Variants in GUCY1B1 observed in about 807,000 individuals in gnomAD.
The protein encoded by GUCY1B1 is guanylate cyclase soluble subunit beta-1.
A neutral mutation model predicts 71.0 loss-of-function variants in GUCY1B1; 43 were observed. That is an observed-to-expected ratio of 0.61 (90% CI 0.47 to 0.78). The LOEUF is 0.78. Ranked by LOEUF, GUCY1B1 falls within the 30% of genes least tolerant of loss-of-function variation. The pLI, the probability that GUCY1B1 is intolerant of heterozygous loss-of-function variation, is 0.00. For missense variants in GUCY1B1, 535 were observed against 754.1 expected (o/e 0.71, Z 3.40); for synonymous variants, 266 against 259.7 (o/e 1.02, Z -0.23).
chr4:155,799,226 C>A (rs1342426298), intron 8 of GUCY1B1, among the ~76,000 whole-genome samples: 1 of 152,056 alleles, frequency 6.6e-6, no homozygotes. Flanking sequence ...GGAAAAATGA[C>A]ACAAGTTACA....
At position 155,759,876 on chromosome 4, in the gene GUCY1B1, C is replaced by T. The variant is rs747465841; in HGVS notation, c.77+16C>T. On this transcript the variant is annotated intron_variant, in intron 2 of 13. Coordinates refer to ENST00000264424, the MANE Select transcript of GUCY1B1 (RefSeq NM_000857.5). ...AAGACATCAAGTAAGTGGCCGGCTACCCTGGCTGTGGCCCAGGTCGGCGCC... is the reference window on the plus strand; with the variant it reads ...AAGACATCAAGTAAGTGGCCGGCTATCCTGGCTGTGGCCCAGGTCGGCGCC... The T allele has an allele frequency of 5.6e-6, 9 of 1,601,062 alleles. No homozygotes were observed. The South Asian group carries it at 9.9e-5, about 18-fold the overall frequency.
chr4:155,759,420 G>C, intron 1 of GUCY1B1: 1 of 543,344 alleles, frequency 1.8e-6, no homozygotes, highest in East Asian at 3.3e-5. Context: ...CGGAGGCGTG[G>C]GGTCTTCCCG....
intron 4 of GUCY1B1, among the ~76,000 whole-genome samples, chr4:155,788,036 T>C (rs1481558178): frequency 6.6e-6 from 1 of 152,240 alleles, no homozygotes; most frequent in African/African-American, 2.4e-5. Context: ...TACTACTTGC[T>C]TGGTGTATTT....
chr4:155,764,012 T>C (rs1040428511), intron 2 of GUCY1B1, among the ~76,000 whole-genome samples: 2 of 32,374 alleles, frequency 6.2e-5, no homozygotes, highest in Non-Finnish European at 5.9e-5. Flanking sequence ...CAGTCTAAAT[T>C]TTTTTTATCA....
At chr4:155,766,126 A>C (rs1737318066) in intron 2 of GUCY1B1, among the ~76,000 whole-genome samples, 3 of 152,188 alleles carry the variant, frequency 2.0e-5, no homozygotes, top group Admixed American at 2.0e-4. Context: ...GGATGTTTAT[A>C]TGTGAATGAA....
At chr4:155,790,667 T>G (rs1739094785) in intron 5 of GUCY1B1, among the ~76,000 whole-genome samples, 2 of 152,226 alleles carry the variant, frequency 1.3e-5, no homozygotes, top group South Asian at 4.1e-4. Context: ...TTTCCAACCT[T>G]TCTTTGTTTA....
rs1282253302 is a variant in GUCY1B1 at position 155,806,382 on chromosome 4, T to C, written c.1837-4T>C. 1 of 1,595,020 alleles carries C rather than the reference T, an allele frequency of 6.3e-7. No homozygotes were observed. Among genetic ancestry groups the C allele is most frequent in the Non-Finnish European group, 8.6e-7 (1 of 1,163,240 alleles). On this transcript the variant is annotated splice_polypyrimidine_tract_variant and splice_region_variant and intron_variant, in intron 13 of 13. Transcript: ENST00000264424. ...CAATCCCTCTTTTCTTCTGCCTATT[T>C]AAGGAAACAAAGCAGGATGATGACT...
At chr4:155,776,178 A>G (rs1738029789) in intron 3 of GUCY1B1, among the ~76,000 whole-genome samples, 1 of 152,214 alleles carries the variant, frequency 6.6e-6, no homozygotes. Context: ...TAGTTAAGAC[A>G]ACTTTTTTGA....
intron 10 of GUCY1B1, among the ~76,000 whole-genome samples, 197 bp from the exon 11 acceptor site, chr4:155,803,427 C>T (rs1740092004): frequency 6.6e-6 from 1 of 152,050 alleles, no homozygotes; most frequent in Non-Finnish European, 1.5e-5. Flanking sequence ...CCCAAGTGTC[C>T]ATCATGTGTG....
At chr4:155,766,405 T>G (rs1054454280) in intron 2 of GUCY1B1, among the ~76,000 whole-genome samples, 1 of 152,200 alleles carries the variant, frequency 6.6e-6, no homozygotes, top group African/African-American at 2.4e-5. Flanking sequence ...CCAATTGCCA[T>G]ATTCATCACC....
At chr4:155,789,382 C>T (rs970159684) in intron 4 of GUCY1B1, among the ~76,000 whole-genome samples, 1 of 152,206 alleles carries the variant, frequency 6.6e-6, no homozygotes, top group Admixed American at 6.5e-5. Context: ...ACAGCTGCCC[C>T]AAGCTCTTGT....
At chr4:155,800,961 T>G (rs1739912463) in intron 9 of GUCY1B1, among the ~76,000 whole-genome samples, 1 of 152,200 alleles carries the variant, frequency 6.6e-6, no homozygotes, top group South Asian at 2.1e-4. Flanking sequence ...TCATTTTTTT[T>G]GTATTGTGAC....
At chr4:155,766,326 A>G (rs1051897470) in intron 2 of GUCY1B1, among the ~76,000 whole-genome samples, 5 of 152,196 alleles carry the variant, frequency 3.3e-5, no homozygotes, top group Non-Finnish European at 5.9e-5. Context: ...TAAAAGTTAT[A>G]TATATTTAAG....
chr4:155,759,618 G>A (rs1560994905), intron 1 of GUCY1B1, 169 bp from the exon 2 acceptor site: 4 of 548,442 alleles, frequency 7.3e-6, no homozygotes, highest in African/African-American at 4.0e-5. Flanking sequence ...GGGGGGTTGC[G>A]CCCCCACGAT....
chr4:155,776,657 G>A (rs893805955), intron 3 of GUCY1B1, among the ~76,000 whole-genome samples: 5 of 151,974 alleles, frequency 3.3e-5, no homozygotes, highest in Non-Finnish European at 7.4e-5. Flanking sequence ...GCGACAAAGT[G>A]AGACTCTGTC....
chr4:155,779,056 T>C (rs1324292588), intron 4 of GUCY1B1, among the ~76,000 whole-genome samples: 1 of 152,028 alleles, frequency 6.6e-6, no homozygotes, highest in African/African-American at 2.4e-5. Context: ...CTTTTAGGTG[T>C]GTTTCTCTGT....
intron 2 of GUCY1B1, chr4:155,772,471 G>A (rs998141322): frequency 1.0e-5 from 4 of 401,532 alleles, no homozygotes; most frequent in Non-Finnish European, 1.8e-5. Context: ...CTGAAATGCA[G>A]TGGCAAGATC....
intron 4 of GUCY1B1, among the ~76,000 whole-genome samples, chr4:155,778,236 A>G (rs973089524): frequency 6.6e-5 from 10 of 152,238 alleles, no homozygotes; most frequent in African/African-American, 2.2e-4. Flanking sequence ...AAATAATGCA[A>G]TCACAGGCCT....
At chr4:155,782,675 G>A (rs1424266730) in intron 4 of GUCY1B1, among the ~76,000 whole-genome samples, 1 of 152,056 alleles carries the variant, frequency 6.6e-6, no homozygotes, top group Non-Finnish European at 1.5e-5. Flanking sequence ...CTTGAATCTG[G>A]GTTGGCTTTA....
Sources: allele counts gnomAD v4.1 joint callset (sites outside exome capture counted in the v4.1 genomes callset), GRCh38; gene constraint gnomAD v4.1.1; transcripts MANE v1.5; gene names NCBI Gene and HGNC (gene_info 2026-07-23, HGNC 2026-07-21).